Variants in DIAPH2 observed in about 807,000 individuals in gnomAD.
The protein encoded by DIAPH2 is protein diaphanous homolog 2.
Under a neutral mutation model 92.7 loss-of-function variants are expected in DIAPH2, and 35 were observed. That is an observed-to-expected ratio of 0.38 (90% CI 0.29 to 0.50). The LOEUF (loss-of-function observed/expected upper bound fraction) is 0.50, where lower values mean the gene tolerates loss of function less well. Ranked by LOEUF, DIAPH2 falls within the 20% of genes least tolerant of loss-of-function variation. DIAPH2 has a pLI of 0.94. For missense variants in DIAPH2, 701 were observed against 819.5 expected (o/e 0.86, Z 1.77); for synonymous variants, 301 against 280.4 (o/e 1.07, Z -0.73).
intron 14 of DIAPH2, among the ~76,000 whole-genome samples, chrX:96,947,348 C>T (rs1337014631): frequency 9.0e-6 from 1 of 110,999 alleles, no homozygotes; most frequent in Non-Finnish European, 1.9e-5. Context: ...GATGGGAGTA[C>T]AGATTGAGAT....
intron 25 of DIAPH2, among the ~76,000 whole-genome samples, chrX:97,417,217 C>T (rs988131349): frequency 2.7e-5 from 3 of 111,313 alleles, no homozygotes; most frequent in Non-Finnish European, 5.6e-5. Context: ...TATACATGCC[C>T]TTTTTCAAAC....
At chrX:97,485,091 C>T (rs1365881124) in intron 26 of DIAPH2, among the ~76,000 whole-genome samples, 6 of 111,536 alleles carry the variant, frequency 5.4e-5, no homozygotes, top group East Asian at 2.8e-4. Flanking sequence ...AGGTACTGAA[C>T]TTGATGAATG....
At chrX:96,951,550 A>T (rs1414205681) in intron 15 of DIAPH2, among the ~76,000 whole-genome samples, 1 of 110,679 alleles carries the variant, frequency 9.0e-6, no homozygotes, top group East Asian at 2.8e-4. Flanking sequence ...AGCATTCTCA[A>T]CTCCTGGCCT....
rs20363 is a variant in DIAPH2 at position 96,758,130 on chromosome X, C to A, written c.343-24C>A. 2.7e-6 allele frequency: 3 copies of A among 1,127,888 alleles called. No homozygotes were observed. The African/African-American group carries it at 5.6e-5, about 21-fold the overall frequency. The allele number at this position is 1,127,888 out of a possible 1,213,427, so 93.0% of individuals were successfully genotyped here. On this transcript the variant is annotated intron_variant, in intron 3 of 26. Coordinates refer to ENST00000324765, the MANE Select transcript of DIAPH2 (RefSeq NM_006729.5). Reference sequence around the variant, plus strand: ...TCTTAAGTGGAAATTTATCAATGCCCACAGTAAATGTTATCTCTTACAGGA... The same window carrying A: ...TCTTAAGTGGAAATTTATCAATGCCAACAGTAAATGTTATCTCTTACAGGA...
In DIAPH2 at chrX:97,018,772, A is replaced by G. The variant is rs146485754; in HGVS notation, c.2050+53565A>G. ...ACACAATAATCAATATTGGTACATTACTAAAGTCCATAGTTCAGAGTTTAC... is the reference window on the plus strand; with the variant it reads ...ACACAATAATCAATATTGGTACATTGCTAAAGTCCATAGTTCAGAGTTTAC... On this transcript the variant is annotated intron_variant, in intron 17 of 26. Coordinates refer to ENST00000324765, the MANE Select transcript of DIAPH2 (RefSeq NM_006729.5). Among the ~76,000 whole-genome samples, 118 of 111,709 alleles carry G rather than the reference A, an allele frequency of 1.1e-3. 1 individual carries two copies. In the East Asian group the frequency reaches 0.02, roughly 19 times the overall value.
intron 4 of DIAPH2, among the ~76,000 whole-genome samples, chrX:96,876,450 C>T (rs1423781925): frequency 6.3e-5 from 7 of 111,780 alleles, no homozygotes; most frequent in African/African-American, 2.3e-4. Flanking sequence ...ACTATAAAGA[C>T]ACATGCACAT....
At chrX:96,685,216 G>T in intron 1 of DIAPH2, 26 bp downstream of exon 1, 1 of 989,131 alleles carries the variant, frequency 1.0e-6, no homozygotes. Context: ...GCCCCCGCCG[G>T]CCTTAGGGAC....
At chrX:97,014,627 C>A (rs1278475246) in intron 17 of DIAPH2, among the ~76,000 whole-genome samples, 6 of 112,014 alleles carry the variant, frequency 5.4e-5, no homozygotes, top group Non-Finnish European at 9.4e-5. Context: ...CTGTGAGAGA[C>A]CATCAGCTTT....
intron 17 of DIAPH2, among the ~76,000 whole-genome samples, chrX:96,984,239 A>G (rs952271081): frequency 3.7e-4 from 41 of 111,578 alleles, no homozygotes; most frequent in African/African-American, 1.3e-3. Context: ...GTTCCCCTAG[A>G]CTAGGAGTAA....
chrX:97,118,018 T>G (rs1038744177), intron 21 of DIAPH2, among the ~76,000 whole-genome samples: 5 of 111,451 alleles, frequency 4.5e-5, no homozygotes, highest in African/African-American at 1.6e-4. Flanking sequence ...CAAAACATTT[T>G]AAAATACTTA....
chrX:97,277,945 A>G (rs899949976), intron 23 of DIAPH2, among the ~76,000 whole-genome samples: 1 of 112,012 alleles, frequency 8.9e-6, no homozygotes, highest in Non-Finnish European at 1.9e-5. Flanking sequence ...TCCCTGGTTC[A>G]AGCGATTTTC....
At chrX:96,988,837 G>T (rs1359097137) in intron 17 of DIAPH2, among the ~76,000 whole-genome samples, 1 of 110,823 alleles carries the variant, frequency 9.0e-6, no homozygotes, top group East Asian at 2.8e-4. Context: ...TTGATTTACT[G>T]TAGGCTGAGG....
intron 22 of DIAPH2, among the ~76,000 whole-genome samples, chrX:97,231,563 T>G (rs1262508360): frequency 2.7e-5 from 3 of 111,701 alleles, no homozygotes; most frequent in Non-Finnish European, 5.6e-5. Context: ...CAATGAAATT[T>G]AAATAACTGA....
At chrX:96,864,417 C>T (rs950765782) in intron 4 of DIAPH2, among the ~76,000 whole-genome samples, 4 of 109,199 alleles carry the variant, frequency 3.7e-5, no homozygotes, top group Admixed American at 9.9e-5. Context: ...GTTTCTTTAA[C>T]GGTATTGTAG....
At chrX:97,476,984 TACACACACACACACACACACACAC>T (rs1190615516) in intron 26 of DIAPH2, among the ~76,000 whole-genome samples, 1 of 57,092 alleles carries the variant, frequency 1.8e-5, no homozygotes, top group Non-Finnish European at 2.9e-5. Flanking sequence ...TATATATATA[TACACACACACACACACACACACAC>T]ACACACACAC....
At chrX:96,904,322 G>A (rs536390774) in intron 5 of DIAPH2, among the ~76,000 whole-genome samples, 7 of 111,883 alleles carry the variant, frequency 6.3e-5, no homozygotes, top group East Asian at 2.8e-4. Flanking sequence ...GTAGTGTTAC[G>A]TCAAATAGAT....
chrX:97,014,515 A>T (rs1375182453), intron 17 of DIAPH2, among the ~76,000 whole-genome samples: 1 of 111,667 alleles, frequency 9.0e-6, no homozygotes, highest in Non-Finnish European at 1.9e-5. Context: ...GTTTTTCCTA[A>T]TCCCAGTATA....
chrX:97,012,369 G>A (rs999526573), intron 17 of DIAPH2, among the ~76,000 whole-genome samples: 1 of 111,741 alleles, frequency 8.9e-6, no homozygotes, highest in African/African-American at 3.3e-5. Context: ...TTGAAGCCTA[G>A]TTAAGGGAAA....
rs1290208786 is a variant in DIAPH2 at position 96,925,839 on chromosome X, T to C, written c.979-4894T>C. On this transcript the variant is annotated intron_variant, in intron 9 of 26. Coordinates refer to ENST00000324765, the MANE Select transcript of DIAPH2 (RefSeq NM_006729.5). ...TGTGCTTTGTTTCCTATAGATTTTA[T>C]GCTGTTTTATACCTCTACCTTCATA... 1.3e-4 allele frequency among the ~76,000 whole-genome samples: 14 copies of C among 111,859 alleles called. No individual in the cohort carries two copies. In the Admixed American group the frequency reaches 1.3e-3, roughly 11 times the overall value.
Sources: gnomAD v4.1 joint callset for allele counts (sites outside exome capture counted in the v4.1 genomes callset) on GRCh38, gnomAD v4.1.1 for gene constraint, MANE v1.5 for transcripts, NCBI Gene and HGNC (gene_info 2026-07-23, HGNC 2026-07-21) for gene names.